The following NRXN3 variants were observed in gnomAD, a reference collection of about 807,000 sequenced individuals.
NRXN3 encodes the protein neurexin III.
Under a neutral mutation model 137.6 loss-of-function variants are expected in NRXN3, and 32 were observed. That is an observed-to-expected ratio of 0.23 (90% CI 0.18 to 0.31). NRXN3 has a LOEUF of 0.31. NRXN3 is among the 10% of genes least tolerant of loss of function. The pLI is 1.00. For missense variants in NRXN3, 1,574 were observed against 2,062.5 expected, an observed-to-expected ratio of 0.76 and a Z score of 4.59; for synonymous variants, 798 against 784.5, an observed-to-expected ratio of 1.02 and a Z score of -0.29.
At chr14:79,063,559 A>C (rs2099676881) in intron 15 of NRXN3, among the ~76,000 whole-genome samples, 1 of 152,020 alleles carries the variant, frequency 6.6e-6, no homozygotes, top group South Asian at 2.1e-4. Flanking sequence ...GCTGTATTTT[A>C]CCTTTTATAT....
At chr14:78,572,426 G>A (rs1191904149) in intron 4 of NRXN3, among the ~76,000 whole-genome samples, 1 of 152,130 alleles carries the variant, frequency 6.6e-6, no homozygotes, top group Non-Finnish European at 1.5e-5. Flanking sequence ...GGCCCTCTAT[G>A]GCTTTTTGCA....
chr14:78,340,720 G>A (rs1442821239), intron 4 of NRXN3, among the ~76,000 whole-genome samples: 1 of 152,118 alleles, frequency 6.6e-6, no homozygotes, highest in African/African-American at 2.4e-5. Flanking sequence ...GCTTCTTCAG[G>A]GCAAGACCTG....
At chr14:79,310,968 A>G (rs1029797691) in intron 15 of NRXN3, among the ~76,000 whole-genome samples, 3 of 124,848 alleles carry the variant, frequency 2.4e-5, no homozygotes, top group Admixed American at 1.6e-4. Context: ...TTCCAACACT[A>G]TGTTGAATAG....
intron 15 of NRXN3, among the ~76,000 whole-genome samples, chr14:79,242,940 A>C (rs1327209344): frequency 6.6e-6 from 1 of 152,216 alleles, no homozygotes; most frequent in African/African-American, 2.4e-5. Flanking sequence ...CAGGACCTTA[A>C]GAACTCTTCC....
chr14:78,525,292 G>A (rs952728587), intron 4 of NRXN3, among the ~76,000 whole-genome samples: 1 of 152,190 alleles, frequency 6.6e-6, no homozygotes, highest in African/African-American at 2.4e-5. Flanking sequence ...CACACTGCTG[G>A]TATGGGTCAG....
intron 15 of NRXN3, among the ~76,000 whole-genome samples, chr14:79,106,760 T>C (rs2052526990): frequency 6.6e-6 from 1 of 152,126 alleles, no homozygotes; most frequent in Non-Finnish European, 1.5e-5. Context: ...TTTAATAAGA[T>C]GACTGAAAGG....
In NRXN3 at chr14:79,714,254, T is replaced by C. The variant is rs139596184; in HGVS notation, c.4014+16317T>C. On this transcript the variant is annotated intron_variant, in intron 19 of 20. Coordinates refer to ENST00000335750, the MANE Select transcript of NRXN3 (RefSeq NM_001330195.2). ...GAATTATATATACACACACTGAAAA[T>C]AGAATTTGATTAAATAATTACACTA... Among the ~76,000 whole-genome samples, 585 of 152,208 alleles carry C rather than the reference T, an allele frequency of 3.8e-3. 3 individuals are homozygous for C. The highest frequency in any genetic ancestry group is 0.013 in the African/African-American group (555 of 41,548).
intron 17 of NRXN3, among the ~76,000 whole-genome samples, chr14:79,683,195 T>C (rs553518302): frequency 2.6e-5 from 4 of 152,294 alleles, no homozygotes; most frequent in Admixed American, 2.0e-4. Flanking sequence ...AATTTTACAC[T>C]GTATAATAGG....
intron 16 of NRXN3, among the ~76,000 whole-genome samples, chr14:79,548,669 G>A (rs1326341285): frequency 1.3e-5 from 2 of 151,050 alleles, no homozygotes; most frequent in African/African-American, 4.9e-5. Context: ...AAATTTCTGT[G>A]TTCCTGAGGC....
chr14:79,223,925 A>C (rs541010990), intron 15 of NRXN3, among the ~76,000 whole-genome samples: 2 of 151,972 alleles, frequency 1.3e-5, no homozygotes, highest in East Asian at 3.9e-4. Flanking sequence ...ATGATGCTCA[A>C]ATATGTTCTA....
chr14:78,677,012 G>C (rs1030105522), intron 6 of NRXN3, among the ~76,000 whole-genome samples: 2 of 152,082 alleles, frequency 1.3e-5, no homozygotes, highest in African/African-American at 2.4e-5. Context: ...AAATATTACT[G>C]TTCATCGACA....
At chr14:78,604,374 C>T (rs903190815) in intron 4 of NRXN3, among the ~76,000 whole-genome samples, 8 of 151,298 alleles carry the variant, frequency 5.3e-5, no homozygotes, top group Middle Eastern at 3.4e-3. Flanking sequence ...ACAAGAGAGT[C>T]ACAGGAATAT....
chr14:78,953,808 A>G (rs1219615003), intron 10 of NRXN3, among the ~76,000 whole-genome samples: 2 of 152,238 alleles, frequency 1.3e-5, no homozygotes, highest in Non-Finnish European at 2.9e-5. Context: ...GGAAAAATAC[A>G]TGTAATACAT....
At chr14:79,334,875 T>G (rs2092122949) in intron 15 of NRXN3, among the ~76,000 whole-genome samples, 1 of 152,202 alleles carries the variant, frequency 6.6e-6, no homozygotes, top group Non-Finnish European at 1.5e-5. Flanking sequence ...ATAACATTCT[T>G]AATTTTTTAT....
At chr14:78,589,934 G>T (rs780514895) in intron 4 of NRXN3, among the ~76,000 whole-genome samples, 2 of 152,278 alleles carry the variant, frequency 1.3e-5, no homozygotes, top group South Asian at 2.1e-4. Flanking sequence ...TCCAGCCTGG[G>T]CGACAAGAGT....
chr14:79,047,755 A>G (rs935953665), intron 15 of NRXN3, among the ~76,000 whole-genome samples: 2 of 152,210 alleles, frequency 1.3e-5, no homozygotes, highest in Non-Finnish European at 2.9e-5. Context: ...CAACTAAAAT[A>G]GTTAAAATTT....
At chr14:78,218,812 TC>T (rs1427491706) in intron 1 of NRXN3, among the ~76,000 whole-genome samples, 1 of 152,194 alleles carries the variant, frequency 6.6e-6, no homozygotes, top group Non-Finnish European at 1.5e-5. Flanking sequence ...AGAGAGCCCC[TC>T]TGTATTGGTT....
chr14:79,022,910 C>T (rs1299921800), intron 15 of NRXN3, among the ~76,000 whole-genome samples: 1 of 152,038 alleles, frequency 6.6e-6, no homozygotes, highest in African/African-American at 2.4e-5. Flanking sequence ...CAGGCAAAGG[C>T]CTTTTGAGCA....
Position 79,615,066 on chromosome 14 carries a change from G to A in NRXN3, c.3445-48712G>A, listed in dbSNP as rs111730852. Among the ~76,000 whole-genome samples, 13 of 152,182 alleles carry A rather than the reference G, an allele frequency of 8.5e-5. 1 individual carries two copies. Among genetic ancestry groups the A allele is most frequent in the African/African-American group, 2.2e-4 (9 of 41,522 alleles). The stretch of plus-strand genomic sequence containing the variant: ...AGGAGTGTAGGATTGCAGTGACAAC[G>A]GATCTCCAGGGCTATCATAGTGCTT... On this transcript the variant is annotated intron_variant, in intron 16 of 20. Transcript: ENST00000335750.
Sources: allele counts gnomAD v4.1 joint callset (sites outside exome capture counted in the v4.1 genomes callset), GRCh38; gene constraint gnomAD v4.1.1; transcripts MANE v1.5; gene names NCBI Gene and HGNC (gene_info 2026-07-23, HGNC 2026-07-21).